ITSN1: variants seen among roughly 807,000 people sequenced by gnomAD.
The protein encoded by ITSN1 is intersectin 1.
Under a neutral mutation model 239.8 loss-of-function variants are expected in ITSN1, and 58 were observed. The observed-to-expected ratio is 0.24, with a 90% CI of 0.20 to 0.30. The LOEUF is 0.30. Ranked by LOEUF, ITSN1 falls within the 10% of genes least tolerant of loss-of-function variation. The pLI is 1.00. For synonymous variants in ITSN1, 780 were observed against 770.8 expected (o/e 1.01, Z -0.20); for missense variants, 1,558 against 2,103.3 (o/e 0.74, Z 5.07).
intron 1 of ITSN1, among the ~76,000 whole-genome samples, chr21:33,653,805 A>G (rs1033544132): frequency 1.3e-5 from 2 of 152,152 alleles, no homozygotes; most frequent in Non-Finnish European, 2.9e-5. Context: ...TACAGGCGTG[A>G]GCCACTGCGC....
intron 29 of ITSN1, among the ~76,000 whole-genome samples, chr21:33,844,598 AGC>A (rs2074929629): frequency 1.3e-5 from 2 of 152,168 alleles, no homozygotes; most frequent in Admixed American, 6.5e-5. Flanking sequence ...TCTCCAGAGC[AGC>A]TGCCCCAGGC....
chr21:33,885,708 C>T (rs1043588024), intron 38 of ITSN1, among the ~76,000 whole-genome samples, 186 bp downstream of exon 38: 1 of 152,100 alleles, frequency 6.6e-6, no homozygotes, highest in Non-Finnish European at 1.5e-5. Context: ...ATCCTTTCTA[C>T]CATTCTGCTT....
intron 1 of ITSN1, among the ~76,000 whole-genome samples, chr21:33,703,786 T>C (rs2092128298): frequency 6.6e-6 from 1 of 152,212 alleles, no homozygotes; most frequent in South Asian, 2.1e-4. Flanking sequence ...GGGGAAAGTG[T>C]AAGCAATCAT....
chr21:33,888,142 C>T lies in ITSN1; in HGVS notation c.5018-10C>T, dbSNP rs1317857124. On this transcript the variant is annotated splice_polypyrimidine_tract_variant and intron_variant, in intron 39 of 39. Coordinates refer to ENST00000381318, the MANE Select transcript of ITSN1 (RefSeq NM_003024.3). Reference sequence around the variant, plus strand: ...TCCCTCTTAGGAGGGTCTGTTTGTTCTCTTTTCAGATTTTTTGGGTCGGAC... The same window carrying T: ...TCCCTCTTAGGAGGGTCTGTTTGTTTTCTTTTCAGATTTTTTGGGTCGGAC... The T allele has an allele frequency of 1.2e-6, 2 of 1,613,838 alleles. No individual in the cohort carries two copies. Among genetic ancestry groups the T allele is most frequent in the African/African-American group, 1.3e-5 (1 of 74,982 alleles).
At chr21:33,885,608 A>G in intron 38 of ITSN1, 86 bp downstream of exon 38, 3 of 985,348 alleles carry the variant, frequency 3.0e-6, no homozygotes, top group Admixed American at 1.7e-5. Context: ...CTCTAGATCA[A>G]ATGTGCTATT....
At chr21:33,851,996 C>A (rs529842779) in intron 29 of ITSN1, among the ~76,000 whole-genome samples, 51 of 152,052 alleles carry the variant, frequency 3.4e-4, no homozygotes, top group African/African-American at 1.2e-3. Context: ...CTATGTTGCC[C>A]AGGCTGGTCA....
intron 29 of ITSN1, among the ~76,000 whole-genome samples, chr21:33,855,826 CA>C (rs1318678344): frequency 6.6e-6 from 1 of 152,248 alleles, no homozygotes. Context: ...TCAGCTGCCC[CA>C]GGGGCCAGGC....
rs372582314 is a variant in ITSN1, at chr21:33,648,179, T to C, written c.-33+5466T>C. Among the ~76,000 whole-genome samples, 17 of 152,326 alleles carry C rather than the reference T, an allele frequency of 1.1e-4. No homozygotes were observed. In the South Asian group the frequency reaches 3.1e-3, roughly 28 times the overall value. On this transcript the variant is annotated intron_variant, in intron 1 of 39. Transcript: ENST00000381318. ...AAGAATGGACTGTTAGTATAATGTGTTTAGTAGTGTGATATGGAAACTCAG... is the reference window on the plus strand; with the variant it reads ...AAGAATGGACTGTTAGTATAATGTGCTTAGTAGTGTGATATGGAAACTCAG...
chr21:33,784,310 A>AACACACACACAC (rs58496273), intron 16 of ITSN1, among the ~76,000 whole-genome samples: 5,089 of 134,086 alleles, frequency 0.038, 149 homozygotes, highest in Non-Finnish European at 0.046. Context: ...GTCTCTACAA[A>AACACACACACAC]ACACACACAC....
chr21:33,722,496 C>CT, intron 3 of ITSN1, 92 bp from the exon 4 acceptor site: 1 of 1,434,564 alleles, frequency 7.0e-7, no homozygotes, highest in Non-Finnish European at 9.2e-7. Context: ...TTACCAGCCT[C>CT]TTTGTAAATT....
At chr21:33,656,126 A>G (rs1190809590) in intron 1 of ITSN1, among the ~76,000 whole-genome samples, 1 of 152,294 alleles carries the variant, frequency 6.6e-6, no homozygotes, top group African/African-American at 2.4e-5. Flanking sequence ...TTGGCCTGGC[A>G]TGATCGTGTG....
At position 33,895,583 on chromosome 21, in the gene ITSN1, ATGTTTGTGAGTGCATG is replaced by A. The variant is rs1395416748; in HGVS notation, c.*7292_*7307del. ...TGTGCGTGTATGTGTGCGTGTGTGCATGTTTGTGAGTGCATGTGTTTGTGCGTGTGTGCGTATTTGT... is the reference window on the plus strand; with the variant it reads ...TGTGCGTGTATGTGTGCGTGTGTGCATGTTTGTGCGTGTGTGCGTATTTGT... On this transcript the variant is annotated 3_prime_UTR_variant, in exon 40 of 40. Coordinates refer to ENST00000381318, the MANE Select transcript of ITSN1 (RefSeq NM_003024.3). The A allele has an allele frequency of 7.3e-6, 1 of 136,380 alleles. No homozygotes were observed. Among genetic ancestry groups the A allele is most frequent in the Non-Finnish European group, 1.6e-5 (1 of 63,974 alleles). 8.4% of individuals were successfully genotyped at this position (136,380 alleles called of 1,614,324 possible).
intron 8 of ITSN1, among the ~76,000 whole-genome samples, chr21:33,756,169 G>T (rs2067896949): frequency 6.6e-6 from 1 of 151,534 alleles, no homozygotes; most frequent in Non-Finnish European, 1.5e-5. Context: ...GTGTGGTGGT[G>T]GGCACCTGTA....
intron 11 of ITSN1, among the ~76,000 whole-genome samples, chr21:33,771,146 A>C (rs772056696): frequency 1.3e-5 from 2 of 152,220 alleles, no homozygotes; most frequent in Non-Finnish European, 2.9e-5. Context: ...AAACCAAAAC[A>C]TACTTGCCCG....
In ITSN1 at chr21:33,875,355, T is replaced by A. The variant is rs763809003; in HGVS notation, c.4175T>A (p.Ile1392Asn). 6.2e-7 allele frequency: 1 copy of A among 1,614,020 alleles called. No homozygotes were observed. Among genetic ancestry groups the A allele is most frequent in the Non-Finnish European group, 8.5e-7 (1 of 1,180,002 alleles). ...VTRYPLIIKN[I>N]LENTPENHPD... ...GGTTGTTTTTATTCTCCTGTGTAGA[T>A]CCTGGAAAACACCCCTGAAAACCAC... Residue 1392 changes from isoleucine (I) to asparagine (N), a missense_variant and splice_region_variant, in exon 34 of 40, where the codon ATC becomes AAC. Transcript: ENST00000381318.
At chr21:33,701,360 A>T (rs2092002366) in intron 1 of ITSN1, among the ~76,000 whole-genome samples, 1 of 152,022 alleles carries the variant, frequency 6.6e-6, no homozygotes, top group Non-Finnish European at 1.5e-5. Flanking sequence ...TCTAGACTCA[A>T]GTGATCTCCC....
At chr21:33,870,990 C>A (rs1033802471) in intron 33 of ITSN1, among the ~76,000 whole-genome samples, 1 of 152,046 alleles carries the variant, frequency 6.6e-6, no homozygotes, top group East Asian at 1.9e-4. Flanking sequence ...AGCCATGTTC[C>A]CTACATGATG....
intron 1 of ITSN1, among the ~76,000 whole-genome samples, chr21:33,702,601 C>T (rs1169282436): frequency 6.6e-6 from 1 of 152,140 alleles, no homozygotes; most frequent in Non-Finnish European, 1.5e-5. Flanking sequence ...AACTATTCAA[C>T]TTAGTATTTA....
At chr21:33,780,592 G>A (rs571838362) in intron 14 of ITSN1, among the ~76,000 whole-genome samples, 17 of 152,274 alleles carry the variant, frequency 1.1e-4, no homozygotes, top group African/African-American at 4.1e-4. Context: ...GTATCTAAAG[G>A]TGGTTATTCC....
Sources: allele counts gnomAD v4.1 joint callset (sites outside exome capture counted in the v4.1 genomes callset), GRCh38; gene constraint gnomAD v4.1.1; transcripts MANE v1.5; gene names NCBI Gene and HGNC (gene_info 2026-07-23, HGNC 2026-07-21).